Variants in ERBIN observed in about 807,000 individuals in gnomAD.
ERBIN encodes erbb2 interacting protein.
A neutral mutation model predicts 158.4 loss-of-function variants in ERBIN; 60 were observed. The ratio of observed to expected loss-of-function variants is 0.38; its 90% confidence interval spans 0.31 to 0.47. The LOEUF is 0.47. Among genes scored for constraint, ERBIN ranks in the 20% least tolerant of loss-of-function variants. The pLI is 0.99. For missense variants in ERBIN, 1,610 were observed against 1,648.0 expected, an observed-to-expected ratio of 0.98 and a Z score of 0.40; for synonymous variants, 594 against 557.2, an observed-to-expected ratio of 1.07 and a Z score of -0.93.
chr5:66,004,926 A>C (rs949570817), intron 4 of ERBIN, among the ~76,000 whole-genome samples: 3 of 152,160 alleles, frequency 2.0e-5, no homozygotes, highest in Non-Finnish European at 4.4e-5. Flanking sequence ...TAGGAATAGA[A>C]GCCAGGGAGG....
intron 1 of ERBIN, among the ~76,000 whole-genome samples, chr5:65,950,285 G>A (rs148860845): frequency 2.4e-4 from 36 of 152,252 alleles, no homozygotes; most frequent in African/African-American, 7.7e-4. Context: ...GATTACAGGC[G>A]CCCGGCCTCA....
At chr5:66,010,632 G>C (rs545464534) in intron 4 of ERBIN, among the ~76,000 whole-genome samples, 1 of 152,182 alleles carries the variant, frequency 6.6e-6, no homozygotes, top group East Asian at 1.9e-4. Flanking sequence ...TTCTATATAT[G>C]ATATTGTGGT....
intron 1 of ERBIN, among the ~76,000 whole-genome samples, chr5:65,927,528 G>C (rs1319850810): frequency 3.3e-5 from 5 of 152,184 alleles, no homozygotes; most frequent in Non-Finnish European, 7.3e-5. Flanking sequence ...TAAGGACTAA[G>C]AATAGGGAGA....
intron 1 of ERBIN, among the ~76,000 whole-genome samples, chr5:65,969,322 T>A (rs1227879796): frequency 6.6e-6 from 1 of 152,234 alleles, no homozygotes; most frequent in Non-Finnish European, 1.5e-5. Context: ...TTTATTCAGC[T>A]TATGTATAAT....
At chr5:65,989,376 G>A (rs1044847198) in intron 2 of ERBIN, among the ~76,000 whole-genome samples, 4 of 152,112 alleles carry the variant, frequency 2.6e-5, no homozygotes, top group African/African-American at 4.8e-5. Context: ...TTTGGTGTTC[G>A]TTTTTATATT....
Position 65,929,656 on chromosome 5 carries a change from T to C in ERBIN, c.-58+2850T>C, listed in dbSNP as rs910551347. ...TTTCCTCTTTTTTTTTTTTTTTTTT[T>C]TCGAGATGGAGTCTTGCTCTGTTGC... is the stretch of plus-strand genomic sequence containing the variant. On this transcript the variant is annotated intron_variant, in intron 1 of 25. Transcript: ENST00000284037. Among the ~76,000 whole-genome samples the C allele has an allele frequency of 3.7e-4, 56 of 149,904 alleles. 1 individual carries two copies. The highest frequency in any genetic ancestry group is 1.9e-4 in the East Asian group (1 of 5,146).
At chr5:66,034,261 A>T (rs1757171917) in intron 14 of ERBIN, among the ~76,000 whole-genome samples, 1 of 151,206 alleles carries the variant, frequency 6.6e-6, no homozygotes, top group South Asian at 2.1e-4. Context: ...ACATTATGAT[A>T]CTCTTAGAAT....
chr5:66,050,164 A>C (rs1043713410), intron 19 of ERBIN, among the ~76,000 whole-genome samples: 5 of 151,736 alleles, frequency 3.3e-5, no homozygotes, highest in Admixed American at 6.6e-5. Context: ...TATTCATTGA[A>C]ATTAACTGAC....
chr5:66,038,198 TTCAAATCAATGCCTAAAGTGTTA>T (rs1390086313), intron 14 of ERBIN, among the ~76,000 whole-genome samples, 162 bp from the exon 15 acceptor site: 5 of 152,168 alleles, frequency 3.3e-5, no homozygotes, highest in Admixed American at 2.0e-4. Context: ...TTAATATGGT[TTCAAATCAATGCCTAAAGTGTTA>T]TCAAATCAAT....
chr5:65,968,648 C>T (rs1184837401), intron 1 of ERBIN, among the ~76,000 whole-genome samples: 1 of 152,196 alleles, frequency 6.6e-6, no homozygotes, highest in Non-Finnish European at 1.5e-5. Flanking sequence ...GCAACCTCCA[C>T]CTCCTGGGTT....
At chr5:66,059,434 T>G (rs958792246) in intron 21 of ERBIN, among the ~76,000 whole-genome samples, 2 of 152,244 alleles carry the variant, frequency 1.3e-5, no homozygotes, top group African/African-American at 4.8e-5. Flanking sequence ...AAGGAGATTT[T>G]GGGCTGAGAT....
intron 1 of ERBIN, among the ~76,000 whole-genome samples, chr5:65,944,402 G>GT (rs375335796): frequency 2.4e-4 from 36 of 151,684 alleles, no homozygotes; most frequent in Non-Finnish European, 4.9e-4. Context: ...TGGTTTTTTT[G>GT]TTTTTTGTTT....
chr5:65,937,870 C>T (rs1008530088), intron 1 of ERBIN, among the ~76,000 whole-genome samples: 2 of 152,156 alleles, frequency 1.3e-5, no homozygotes, highest in Non-Finnish European at 2.9e-5. Flanking sequence ...GATCGTGCCA[C>T]TGCACCCAGC....
In ERBIN at chr5:66,018,532, T is replaced by TAATATAA. The variant is rs1270709473; in HGVS notation, c.534-2790_534-2789insAATATAA. Among the ~76,000 whole-genome samples the TAATATAA allele has an allele frequency of 3.1e-3, 15 of 4,890 alleles. 2 individuals carry two copies. Among genetic ancestry groups the TAATATAA allele is most frequent in the African/African-American group, 0.012 (14 of 1,126 alleles). The allele number at this position is 4,890 out of a possible 152,430, so 3.2% of individuals were successfully genotyped here. On this transcript the variant is annotated intron_variant, in intron 7 of 25. Transcript: ENST00000284037. Reference sequence around the variant, plus strand: ...TATATATTATATAATATATATTATATTATATAATATATATTATATATTATA... The same window carrying TAATATAA: ...TATATATTATATAATATATATTATATAATATAATATATAATATATATTATATATTATA...
intron 10 of ERBIN, 40 bp from the exon 11 acceptor site, chr5:66,025,429 CTTGCTTCTATT>C (rs1295022579): frequency 7.3e-7 from 1 of 1,368,364 alleles, no homozygotes; most frequent in South Asian, 1.2e-5. Context: ...TGTTGGTGGA[CTTGCTTCTATT>C]TTAAGCTGAA....
At chr5:65,977,867 A>T (rs1317115501) in intron 1 of ERBIN, among the ~76,000 whole-genome samples, 3 of 151,822 alleles carry the variant, frequency 2.0e-5, no homozygotes, top group African/African-American at 7.3e-5. Context: ...CCTGGGCACC[A>T]TTGAGCACTG....
chr5:66,055,433 A>G (rs1759491863), intron 21 of ERBIN, among the ~76,000 whole-genome samples: 1 of 152,148 alleles, frequency 6.6e-6, no homozygotes, highest in Non-Finnish European at 1.5e-5. Context: ...CTGGCATGGC[A>G]TTTATTCTTA....
intron 21 of ERBIN, among the ~76,000 whole-genome samples, chr5:66,062,359 C>A (rs1041839364): frequency 1.3e-4 from 20 of 152,224 alleles, no homozygotes; most frequent in African/African-American, 4.6e-4. Flanking sequence ...GTGCATTCGT[C>A]ACATAGTTCT....
At chr5:65,971,678 A>T (rs766359138) in intron 1 of ERBIN, among the ~76,000 whole-genome samples, 1 of 152,200 alleles carries the variant, frequency 6.6e-6, no homozygotes, top group Non-Finnish European at 1.5e-5. Flanking sequence ...CTCTCTTCAG[A>T]TGAGCATTCT....
Sources: allele counts gnomAD v4.1 joint callset (sites outside exome capture counted in the v4.1 genomes callset), GRCh38; gene constraint gnomAD v4.1.1; transcripts MANE v1.5; gene names NCBI Gene and HGNC (gene_info 2026-07-23, HGNC 2026-07-21).